Variants in PDZRN4 observed in about 807,000 individuals in gnomAD.
PDZRN4 encodes the protein PDZ domain containing ring finger 4, also known as PDZ domain-containing RING finger protein 4.
PDZRN4 carries 70 observed loss-of-function variants against 99.0 expected under a neutral mutation model. That is an observed-to-expected ratio of 0.71 (90% CI 0.58 to 0.86). The LOEUF is 0.86. Among genes scored for constraint, PDZRN4 ranks in the 40% least tolerant of loss-of-function variants. The probability of loss-of-function intolerance (pLI) is 0.00; values close to 1 mark genes in which losing one functional copy is unlikely to be tolerated. For synonymous variants in PDZRN4, 551 were observed against 501.6 expected (o/e 1.10, Z -1.32); for missense variants, 1,474 against 1,331.2 (o/e 1.11, Z -1.67).
At chr12:41,473,303 A>G (rs1050795918) in intron 3 of PDZRN4, 4 of 152,170 alleles carry the variant, frequency 2.6e-5, no homozygotes, top group African/African-American at 9.7e-5. Flanking sequence ...AAAAAGAGTA[A>G]TGCATGGTCC....
intron 3 of PDZRN4, among the ~76,000 whole-genome samples, chr12:41,211,012 A>G (rs931989521): frequency 3.2e-4 from 49 of 151,966 alleles, no homozygotes; most frequent in Admixed American, 2.0e-4. Flanking sequence ...TGTCAGTTGT[A>G]TAGATAATTT....
intron 3 of PDZRN4, among the ~76,000 whole-genome samples, chr12:41,483,340 G>A (rs542455309): frequency 3.3e-4 from 50 of 152,244 alleles, no homozygotes; most frequent in African/African-American, 1.2e-3. Context: ...ATCAAGAAGA[G>A]TGAAAAATAA....
At chr12:41,285,603 C>A (rs942888855) in intron 3 of PDZRN4, among the ~76,000 whole-genome samples, 2 of 152,070 alleles carry the variant, frequency 1.3e-5, no homozygotes, top group Non-Finnish European at 2.9e-5. Flanking sequence ...TTGGAACCAA[C>A]CAAATAACCA....
At chr12:41,189,154 A>G in intron 1 of PDZRN4, 51 bp downstream of exon 1, 1 of 1,525,602 alleles carries the variant, frequency 6.6e-7, no homozygotes, top group Non-Finnish European at 8.8e-7. Flanking sequence ...GGGTGGGAAA[A>G]GGAGCGGTTC....
At chr12:41,264,972 TG>T (rs1212176199) in intron 3 of PDZRN4, among the ~76,000 whole-genome samples, 1 of 151,974 alleles carries the variant, frequency 6.6e-6, no homozygotes, top group East Asian at 1.9e-4. Flanking sequence ...GAGAAAGGAA[TG>T]AAAAACTATC....
At chr12:41,515,966 G>T (rs1938393719) in intron 5 of PDZRN4, among the ~76,000 whole-genome samples, 1 of 151,906 alleles carries the variant, frequency 6.6e-6, no homozygotes, top group Non-Finnish European at 1.5e-5. Flanking sequence ...GCACCTTGGG[G>T]TCAAACTCCA....
At chr12:41,501,034 G>C (rs1938099995) in intron 3 of PDZRN4, among the ~76,000 whole-genome samples, 1 of 152,072 alleles carries the variant, frequency 6.6e-6, no homozygotes, top group African/African-American at 2.4e-5. Context: ...CCAGGTACAG[G>C]ATCATGTCCA....
chr12:41,480,913 A>G (rs1282580725), intron 3 of PDZRN4, among the ~76,000 whole-genome samples: 1 of 152,186 alleles, frequency 6.6e-6, no homozygotes, highest in Non-Finnish European at 1.5e-5. Context: ...TTGATAAACT[A>G]AAACACTACA....
In PDZRN4 at chr12:41,573,621, C is replaced by T; in HGVS notation, c.2842C>T (p.Gln948Ter). The part of the protein sequence containing the change: ...GRYWSKEERK[Q>*]HLVRAKEQRR... ...CTACTGGAGCAAAGAGGAGAGAAAG[C>T]AGCACCTGGTTAGGGCCAAAGAGCA... is the stretch of plus-strand genomic sequence containing the variant. The change falls in exon 10 of 10, where the codon CAG becomes TAG. Residue 948 changes from glutamine to a stop codon, truncating the protein, a stop_gained. Coordinates refer to ENST00000402685, the MANE Select transcript of PDZRN4 (RefSeq NM_001164595.2). LOFTEE classifies it high-confidence loss of function. The T allele has an allele frequency of 6.2e-7, 1 of 1,614,036 alleles. No individual in the cohort carries two copies. Among genetic ancestry groups the T allele is most frequent in the Non-Finnish European group, 8.5e-7 (1 of 1,180,004 alleles).
At chr12:41,310,346 A>G (rs1951598648) in intron 3 of PDZRN4, among the ~76,000 whole-genome samples, 1 of 152,188 alleles carries the variant, frequency 6.6e-6, no homozygotes, top group South Asian at 2.1e-4. Flanking sequence ...TAAAAATAAT[A>G]AAGTGATAGG....
chr12:41,250,070 T>C (rs1951158309), intron 3 of PDZRN4, among the ~76,000 whole-genome samples: 1 of 152,168 alleles, frequency 6.6e-6, no homozygotes, highest in Non-Finnish European at 1.5e-5. Flanking sequence ...ATGGAGAAAA[T>C]GGGTATGGTA....
intron 3 of PDZRN4, among the ~76,000 whole-genome samples, chr12:41,259,589 C>G (rs1951224224): frequency 6.6e-6 from 1 of 152,034 alleles, no homozygotes; most frequent in South Asian, 2.1e-4. Context: ...TCTCAGATGA[C>G]CTTTGTTGCA....
At chr12:41,447,839 C>T (rs1353664526) in intron 3 of PDZRN4, among the ~76,000 whole-genome samples, 3 of 152,034 alleles carry the variant, frequency 2.0e-5, no homozygotes, top group Non-Finnish European at 2.9e-5. Flanking sequence ...TGAACTTACC[C>T]ATAAATTTTG....
chr12:41,497,780 G>A (rs1938035449), intron 3 of PDZRN4, among the ~76,000 whole-genome samples: 1 of 152,088 alleles, frequency 6.6e-6, no homozygotes, highest in African/African-American at 2.4e-5. Flanking sequence ...AGGGATATGT[G>A]TGTGTATGTG....
intron 3 of PDZRN4, among the ~76,000 whole-genome samples, chr12:41,292,564 C>G (rs1181602482): frequency 6.6e-6 from 1 of 152,134 alleles, no homozygotes; most frequent in South Asian, 2.1e-4. Context: ...TTTTGCCACT[C>G]GTTTGGGTAG....
intron 3 of PDZRN4, among the ~76,000 whole-genome samples, chr12:41,237,027 A>G (rs561344719): frequency 6.6e-6 from 1 of 152,328 alleles, no homozygotes; most frequent in African/African-American, 2.4e-5. Flanking sequence ...ATTTAACATA[A>G]GTAACAGATT....
intron 3 of PDZRN4, among the ~76,000 whole-genome samples, chr12:41,429,949 C>T (rs571507008): frequency 1.3e-5 from 2 of 152,122 alleles, no homozygotes; most frequent in South Asian, 4.1e-4. Flanking sequence ...CTACATAATA[C>T]CTGTGATGTT....
chr12:41,534,148 CT>C (rs1938709902), intron 5 of PDZRN4, among the ~76,000 whole-genome samples: 1 of 152,116 alleles, frequency 6.6e-6, no homozygotes, highest in South Asian at 2.1e-4. Flanking sequence ...ATTATTTTAA[CT>C]TTTTAAGCTA....
rs765321903 is a variant in PDZRN4, at chr12:41,188,725, C to G, written c.270C>G (p.His90Gln). The change falls in exon 1 of 10, where the codon CAC becomes CAG. Residue 90 changes from histidine to glutamine, a missense_variant. Coordinates refer to ENST00000402685, the MANE Select transcript of PDZRN4 (RefSeq NM_001164595.2). ...ACTACCGCGCCCGCGGCTGCGGCCA[C>G]TCGGTCAGGCTGCACGAGCTGGAGG... ...QCDYRARGCG[H>Q]SVRLHELEAH... 9.5e-5 allele frequency: 147 copies of G among 1,554,964 alleles called. No homozygotes were observed. In the Admixed American group the frequency reaches 2.6e-3, roughly 27 times the overall value.
Sources: allele counts gnomAD v4.1 joint callset (sites outside exome capture counted in the v4.1 genomes callset), GRCh38; gene constraint gnomAD v4.1.1; transcripts MANE v1.5; gene names NCBI Gene and HGNC (gene_info 2026-07-23, HGNC 2026-07-21).